Variants in PKNOX1 observed in about 807,000 individuals in gnomAD.
The protein encoded by PKNOX1 is PBX/knotted 1 homeobox 1.
Under a neutral mutation model 51.9 loss-of-function variants are expected in PKNOX1, and 15 were observed. The observed-to-expected ratio is 0.29, with a 90% CI of 0.19 to 0.45. The LOEUF (loss-of-function observed/expected upper bound fraction) is 0.45. Among genes scored for constraint, PKNOX1 ranks in the 20% least tolerant of loss-of-function variants. The probability of loss-of-function intolerance (pLI) is 1.00; values close to 1 mark genes in which losing one functional copy is unlikely to be tolerated. For missense variants in PKNOX1, 462 were observed against 547.5 expected (o/e 0.84, Z 1.56); for synonymous variants, 219 against 211.1 (o/e 1.04, Z -0.32).
chr21:42,989,974 C>A (rs2059077347), intron 1 of PKNOX1, among the ~76,000 whole-genome samples: 1 of 151,962 alleles, frequency 6.6e-6, no homozygotes, highest in African/African-American at 2.4e-5. Flanking sequence ...TGGTGCATGC[C>A]TGTGGTTCCA....
At chr21:43,003,384 T>A (rs1184863917) in intron 1 of PKNOX1, among the ~76,000 whole-genome samples, 4 of 152,220 alleles carry the variant, frequency 2.6e-5, no homozygotes, top group African/African-American at 9.6e-5. Context: ...TCTGTTGTCA[T>A]GAAGCAAGTG....
At chr21:42,992,163 G>A (rs376412539) in intron 1 of PKNOX1, among the ~76,000 whole-genome samples, 13 of 152,324 alleles carry the variant, frequency 8.5e-5, no homozygotes, top group South Asian at 6.2e-4. Context: ...GAATAATGCC[G>A]TAATTCATAG....
intron 7 of PKNOX1, among the ~76,000 whole-genome samples, chr21:43,020,201 G>A (rs1979693298): frequency 6.6e-6 from 1 of 152,194 alleles, no homozygotes; most frequent in South Asian, 2.1e-4. Flanking sequence ...CCAAAGTACT[G>A]GGATTACAGG....
chr21:43,024,532 A>G (rs1158259197), intron 8 of PKNOX1: 1 of 215,582 alleles, frequency 4.6e-6, no homozygotes, highest in Non-Finnish European at 9.1e-6. Flanking sequence ...AATAAAGTTG[A>G]TAAAGAATCT....
chr21:43,018,123 C>T lies in PKNOX1; in HGVS notation c.623-10C>T, dbSNP rs778813848. ...AAAAGCAGCCTCATATTTTTATTCT[C>T]CCTTTCGAGGTGGCACAGTGTATCA... On this transcript the variant is annotated splice_polypyrimidine_tract_variant and intron_variant, in intron 6 of 10. Transcript: ENST00000291547. The T allele has an allele frequency of 6.6e-6, 10 of 1,513,684 alleles. No individual in the cohort carries two copies. The East Asian group carries it at 2.3e-4, about 35-fold the overall frequency. 93.8% of individuals were successfully genotyped at this position (1,513,684 alleles called of 1,614,324 possible). A position where few individuals can be genotyped will look rare whatever the true frequency, so the allele number is the denominator to read the frequency against.
At position 43,032,167 on chromosome 21, in the gene PKNOX1, A is replaced by T; in HGVS notation, c.*2066A>T. On this transcript the variant is annotated 3_prime_UTR_variant, in exon 11 of 11. Coordinates refer to ENST00000291547, the MANE Select transcript of PKNOX1 (RefSeq NM_004571.5). ...GAGCCACCGCGCCCGGCCGAGAATG[A>T]CATCTTAAAGCCACCATTGCGTTCC... 1 of 456,168 alleles carries T rather than the reference A, an allele frequency of 2.2e-6. No individual in the cohort carries two copies. Among genetic ancestry groups the T allele is most frequent in the Non-Finnish European group, 4.4e-6 (1 of 226,946 alleles). The allele number at this position is 456,168 out of a possible 1,614,324, so 28.3% of individuals were successfully genotyped here. A position where few individuals can be genotyped will look rare whatever the true frequency, so the allele number is the denominator to read the frequency against.
chr21:43,024,726 G>A, intron 8 of PKNOX1, 145 bp from the exon 9 acceptor site: 2 of 614,846 alleles, frequency 3.3e-6, no homozygotes, highest in Middle Eastern at 3.1e-4. Context: ...CTTTGTTCGT[G>A]AGACTACAGT....
At chr21:42,975,153 G>T (rs1224861158) in intron 1 of PKNOX1, among the ~76,000 whole-genome samples, 1 of 145,818 alleles carries the variant, frequency 6.9e-6, no homozygotes, top group African/African-American at 2.5e-5. Flanking sequence ...GGGCCGGTCG[G>T]GTCCGCGGCC....
At chr21:43,013,470 A>G (rs1979345625) in intron 5 of PKNOX1, among the ~76,000 whole-genome samples, 1 of 152,198 alleles carries the variant, frequency 6.6e-6, no homozygotes, top group Non-Finnish European at 1.5e-5. Context: ...GGAAGGCACA[A>G]TTCCATTCAT....
rs1980238341 is a variant in PKNOX1 at position 43,030,948 on chromosome 21, T to G, written c.*847T>G. ...AAATTTTGATATCTGCAAATTTTTG[T>G]TGATATGTAATGCTCAGATTGCATT... On this transcript the variant is annotated 3_prime_UTR_variant, in exon 11 of 11. Transcript: ENST00000291547. 1 of 152,288 alleles carries G rather than the reference T, an allele frequency of 6.6e-6. No homozygotes were observed. Among genetic ancestry groups the G allele is most frequent in the Non-Finnish European group, 1.5e-5 (1 of 68,038 alleles). 9.4% of individuals were successfully genotyped at this position (152,288 alleles called of 1,614,324 possible).
chr21:42,984,974 CTTTTTTTTTTTTTT>C (rs71195904), intron 1 of PKNOX1, among the ~76,000 whole-genome samples: 20 of 58,004 alleles, frequency 3.4e-4, no homozygotes, highest in South Asian at 2.0e-3. Context: ...ATTTTCTTTT[CTTTTTTTTTTTTTT>C]TTTTTTTTTT....
chr21:42,975,789 A>G (rs2058993735), intron 1 of PKNOX1, among the ~76,000 whole-genome samples: 2 of 152,214 alleles, frequency 1.3e-5, no homozygotes, highest in African/African-American at 2.4e-5. Context: ...TTCCAACTCT[A>G]CGAGAGTTTG....
chr21:42,997,551 G>A (rs1978562942), intron 1 of PKNOX1, among the ~76,000 whole-genome samples: 1 of 152,206 alleles, frequency 6.6e-6, no homozygotes, highest in Non-Finnish European at 1.5e-5. Context: ...TGTATTTAGT[G>A]CCTATTGACA....
chr21:42,988,802 C>G (rs552592326), intron 1 of PKNOX1, among the ~76,000 whole-genome samples: 1 of 152,220 alleles, frequency 6.6e-6, no homozygotes, highest in South Asian at 2.1e-4. Flanking sequence ...GGAGCCTGGT[C>G]CCTGGGATAC....
At chr21:43,003,550 G>T (rs1204243094) in intron 1 of PKNOX1, among the ~76,000 whole-genome samples, 2 of 152,046 alleles carry the variant, frequency 1.3e-5, no homozygotes, top group South Asian at 2.1e-4. Flanking sequence ...CTCCAGTCTC[G>T]ACGTAACAGC....
rs1980082730 is a variant in PKNOX1, at chr21:43,028,572, T to C, written c.927-130T>C. ...GTTGAGTCCTCTTAAGTAGTTACTA[T>C]AGTGGAGAACTTGAGTCATTCTTTG... On this transcript the variant is annotated intron_variant, in intron 9 of 10. Coordinates refer to ENST00000291547, the MANE Select transcript of PKNOX1 (RefSeq NM_004571.5). The C allele has an allele frequency of 5.1e-6, 4 of 779,694 alleles. 1 individual carries two copies. The African/African-American group carries it at 5.2e-5, about 10-fold the overall frequency. 48.3% of individuals were successfully genotyped at this position (779,694 alleles called of 1,614,324 possible). A position where few individuals can be genotyped will look rare whatever the true frequency, so the allele number is the denominator to read the frequency against.
intron 1 of PKNOX1, among the ~76,000 whole-genome samples, chr21:42,994,132 C>G (rs1009969391): frequency 5.4e-5 from 8 of 146,826 alleles, no homozygotes; most frequent in Non-Finnish European, 1.2e-4. Flanking sequence ...CCTCGACCTC[C>G]CGGACTCAAG....
chr21:43,018,272 GC>G, intron 7 of PKNOX1, 42 bp downstream of exon 7: 1 of 1,254,804 alleles, frequency 8.0e-7, no homozygotes, highest in Non-Finnish European at 1.2e-6. Context: ...GGCGAGTGCT[GC>G]CCACATAGGG....
intron 6 of PKNOX1, 73 bp downstream of exon 6, chr21:43,017,080 G>A (rs1386759109): frequency 3.1e-6 from 3 of 955,598 alleles, no homozygotes; most frequent in Admixed American, 3.8e-5. Context: ...TAGAATGACA[G>A]TATAAATATA....
Sources: gnomAD v4.1 joint callset for allele counts (sites outside exome capture counted in the v4.1 genomes callset) on GRCh38, gnomAD v4.1.1 for gene constraint, MANE v1.5 for transcripts, NCBI Gene and HGNC (gene_info 2026-07-23, HGNC 2026-07-21) for gene names.